The following C2CD5 variants were observed in gnomAD, a reference collection of about 807,000 sequenced individuals.
C2CD5 encodes the protein C2 calcium dependent domain containing 5.
C2CD5 carries 109 observed loss-of-function variants against 130.3 expected under a neutral mutation model. The ratio of observed to expected loss-of-function variants is 0.84; its 90% confidence interval spans 0.72 to 0.98. The LOEUF (loss-of-function observed/expected upper bound fraction) is 0.98, where lower values mean the gene tolerates loss of function less well. Ranked by LOEUF, C2CD5 falls within the 50% of genes least tolerant of loss-of-function variation. The pLI is 0.00. For missense variants in C2CD5, 996 were observed against 1,261.8 expected (o/e 0.79, Z 3.19); for synonymous variants, 454 against 429.2 (o/e 1.06, Z -0.71).
intron 3 of C2CD5, 56 bp downstream of exon 3, chr12:22,535,202 G>A (rs1951707255): frequency 1.1e-6 from 1 of 912,748 alleles, no homozygotes; most frequent in Non-Finnish European, 1.8e-6. Context: ...TATTCCTGAG[G>A]GAAAAGAGTC....
intron 2 of C2CD5, among the ~76,000 whole-genome samples, chr12:22,536,157 A>G (rs1043631914): frequency 1.3e-5 from 2 of 151,266 alleles, no homozygotes. Context: ...AAAAAAAAAG[A>G]CAGAATTCAT....
chr12:22,492,613 G>A (rs552583437), intron 11 of C2CD5, among the ~76,000 whole-genome samples: 2 of 152,220 alleles, frequency 1.3e-5, no homozygotes, highest in East Asian at 1.9e-4. Context: ...AAAGGCAGAC[G>A]AATGCTTTGG....
intron 10 of C2CD5, among the ~76,000 whole-genome samples, chr12:22,501,981 G>C (rs901972115): frequency 6.6e-6 from 1 of 151,790 alleles, no homozygotes; most frequent in African/African-American, 2.4e-5. Context: ...AATCAAAATG[G>C]TTGTATTATT....
chr12:22,492,663 G>A (rs1946500626), intron 11 of C2CD5, among the ~76,000 whole-genome samples: 2 of 152,218 alleles, frequency 1.3e-5, no homozygotes, highest in African/African-American at 4.8e-5. Context: ...GTACTTTAAA[G>A]GAGGAGATTG....
intron 8 of C2CD5, among the ~76,000 whole-genome samples, chr12:22,516,893 T>A (rs972669136): frequency 2.0e-5 from 3 of 151,858 alleles, no homozygotes; most frequent in Non-Finnish European, 4.4e-5. Context: ...TTCCAAAGCA[T>A]CCATTACTGT....
At chr12:22,479,503 G>A (rs2136273746) in intron 14 of C2CD5, among the ~76,000 whole-genome samples, 1 of 152,246 alleles carries the variant, frequency 6.6e-6, no homozygotes, top group South Asian at 2.1e-4. Flanking sequence ...AAGTGAAGAG[G>A]AAACTTTTGC....
chr12:22,478,216 C>T, intron 15 of C2CD5, 97 bp downstream of exon 15: 1 of 932,576 alleles, frequency 1.1e-6, no homozygotes. Flanking sequence ...GAGAGCTAAA[C>T]AGTGAAAAAA....
intron 3 of C2CD5, among the ~76,000 whole-genome samples, chr12:22,528,307 G>C (rs1950912386): frequency 6.6e-6 from 1 of 152,102 alleles, no homozygotes; most frequent in African/African-American, 2.4e-5. Context: ...CGATTTCAGA[G>C]AACAGAACCA....
chr12:22,540,335 C>T (rs1295034226), intron 2 of C2CD5, among the ~76,000 whole-genome samples: 1 of 152,148 alleles, frequency 6.6e-6, no homozygotes, highest in African/African-American at 2.4e-5. Context: ...ATGCTAAAAT[C>T]TAGAGAAAAC....
intron 15 of C2CD5, chr12:22,478,074 A>G: frequency 4.4e-6 from 2 of 459,708 alleles, no homozygotes; most frequent in Non-Finnish European, 8.0e-6. Context: ...AGAAAACAAT[A>G]AAAGAGGGAA....
chr12:22,484,045 A>G (rs1237449228), intron 13 of C2CD5, among the ~76,000 whole-genome samples: 1 of 152,162 alleles, frequency 6.6e-6, no homozygotes, highest in Non-Finnish European at 1.5e-5. Context: ...GTCCAAACCC[A>G]TGGCTCTCAA....
At chr12:22,533,266 T>C (rs1370035911) in intron 3 of C2CD5, among the ~76,000 whole-genome samples, 1 of 152,156 alleles carries the variant, frequency 6.6e-6, no homozygotes, top group Non-Finnish European at 1.5e-5. Context: ...CTCTACCACT[T>C]AGCTAGCTCT....
At chr12:22,455,123 A>T (rs2135973621) in intron 25 of C2CD5, among the ~76,000 whole-genome samples, 1 of 152,280 alleles carries the variant, frequency 6.6e-6, no homozygotes, top group South Asian at 2.1e-4. Context: ...CCTTCTGAAA[A>T]GCCTGAGGAT....
chr12:22,527,810 C>A lies in C2CD5; in HGVS notation c.260G>T (p.Gly87Val). 1 of 1,610,200 alleles carries A rather than the reference C, an allele frequency of 6.2e-7. No homozygotes were observed. Among genetic ancestry groups the A allele is most frequent in the Non-Finnish European group, 8.5e-7 (1 of 1,176,756 alleles). ...HDTYSANDAIGKVYIDIDPLL... is the reference protein window; with the variant it reads ...HDTYSANDAIVKVYIDIDPLL... Reference sequence around the variant, plus strand: ...AGGATCAATATCAATGTACACTTTACCAATGGCATCATTTGCACTGTAAGT... The same window carrying A: ...AGGATCAATATCAATGTACACTTTAACAATGGCATCATTTGCACTGTAAGT... The change falls in exon 4 of 27, where the codon GGT (glycine) becomes GTT (valine). Residue 87 changes from glycine to valine, a missense_variant. This residue lies in a region of C2CD5 where 68 missense variants were observed against 154.5 expected (regional missense o/e 0.44). Transcript: ENST00000446597.
At chr12:22,543,628 G>A (rs1952628346) in intron 2 of C2CD5, among the ~76,000 whole-genome samples, 1 of 152,222 alleles carries the variant, frequency 6.6e-6, no homozygotes, top group Non-Finnish European at 1.5e-5. Flanking sequence ...GTGTTTCAGT[G>A]GCTGCGGGGC....
intron 13 of C2CD5, 149 bp downstream of exon 13, chr12:22,484,548 T>C (rs1384008710): frequency 4.7e-6 from 2 of 421,618 alleles, no homozygotes; most frequent in Non-Finnish European, 8.4e-6. Context: ...TTTTTTTACA[T>C]GCAATAAAAT....
At chr12:22,501,819 T>C (rs1947837185) in intron 10 of C2CD5, among the ~76,000 whole-genome samples, 1 of 151,982 alleles carries the variant, frequency 6.6e-6, no homozygotes, top group South Asian at 2.1e-4. Context: ...CTTGAACTCC[T>C]AAGAACAAAA....
At chr12:22,481,687 C>T (rs978475986) in intron 14 of C2CD5, among the ~76,000 whole-genome samples, 1 of 139,038 alleles carries the variant, frequency 7.2e-6, no homozygotes, top group Non-Finnish European at 1.5e-5. Context: ...CAGAGCCTCA[C>T]TCTGTCGCCT....
At chr12:22,535,196 C>T (rs1340253896) in intron 3 of C2CD5, 62 bp downstream of exon 3, 11 of 872,200 alleles carry the variant, frequency 1.3e-5, no homozygotes. Context: ...TCTCATTATT[C>T]CTGAGGGAAA....
Sources: gnomAD v4.1 joint callset for allele counts (sites outside exome capture counted in the v4.1 genomes callset) on GRCh38, gnomAD v4.1.1 for gene constraint, gnomAD v4.1.1 regional missense constraint, MANE v1.5 for transcripts, NCBI Gene and HGNC (gene_info 2026-07-23, HGNC 2026-07-21) for gene names.